The following RCAN2 variants were observed in gnomAD, a reference collection of about 807,000 sequenced individuals.
RCAN2 encodes the protein calcipressin-2.
In RCAN2, 9 loss-of-function variants were observed where a neutral mutation model predicts 23.6. That is an observed-to-expected ratio of 0.38 (90% CI 0.23 to 0.67). The LOEUF is 0.67. Among genes scored for constraint, RCAN2 ranks in the 30% least tolerant of loss-of-function variants. The pLI, the probability that RCAN2 is intolerant of heterozygous loss-of-function variation, is 0.51. For missense variants in RCAN2, 273 were observed against 302.3 expected, an observed-to-expected ratio of 0.90 and a Z score of 0.72; for synonymous variants, 109 against 115.7, an observed-to-expected ratio of 0.94 and a Z score of 0.37.
chr6:46,232,594 C>A (rs770180632), intron 4 of RCAN2, among the ~76,000 whole-genome samples: 1 of 151,924 alleles, frequency 6.6e-6, no homozygotes, highest in Non-Finnish European at 1.5e-5. Context: ...AAGTTCAAGA[C>A]CAGCCTGGTC....
intron 2 of RCAN2, among the ~76,000 whole-genome samples, chr6:46,407,815 C>T (rs1268602988): frequency 6.6e-6 from 1 of 152,180 alleles, no homozygotes; most frequent in Non-Finnish European, 1.5e-5. Context: ...TTTTGCTATG[C>T]AGCAGACCTT....
At chr6:46,240,984 A>G (rs542688089) in intron 4 of RCAN2, among the ~76,000 whole-genome samples, 40 of 152,322 alleles carry the variant, frequency 2.6e-4, no homozygotes, top group African/African-American at 9.4e-4. Context: ...AGAGCTAAAA[A>G]TAGCAGGAGG....
At chr6:46,427,760 C>T (rs57152666) in intron 2 of RCAN2, among the ~76,000 whole-genome samples, 5,218 of 152,282 alleles carry the variant, frequency 0.034, 175 homozygotes, top group South Asian at 0.12. Flanking sequence ...ACGAGAGAAA[C>T]CAACAGATAG....
intron 2 of RCAN2, among the ~76,000 whole-genome samples, chr6:46,335,279 T>C (rs911786897): frequency 7.9e-5 from 12 of 152,228 alleles, no homozygotes; most frequent in African/African-American, 2.9e-4. Flanking sequence ...GGAGTCCTCA[T>C]TTTCAGTCAC....
chr6:46,411,568 GTTC>G (rs1028868443), intron 2 of RCAN2, among the ~76,000 whole-genome samples: 4 of 152,128 alleles, frequency 2.6e-5, no homozygotes, highest in Admixed American at 6.5e-5. Flanking sequence ...TACAGACAAA[GTTC>G]TTCTGTCATG....
chr6:46,360,975 A>G (rs1290682018), intron 2 of RCAN2, among the ~76,000 whole-genome samples: 1 of 152,230 alleles, frequency 6.6e-6, no homozygotes, highest in Admixed American at 6.5e-5. Context: ...GTAAAACTTG[A>G]GTATTCAGAA....
chr6:46,290,217 A>C (rs1288591432), intron 2 of RCAN2, among the ~76,000 whole-genome samples: 3 of 152,212 alleles, frequency 2.0e-5, no homozygotes, highest in Non-Finnish European at 4.4e-5. Flanking sequence ...GCCCCAATAC[A>C]GGATTTTATC....
intron 2 of RCAN2, among the ~76,000 whole-genome samples, chr6:46,311,515 T>C (rs1294319990): frequency 6.6e-6 from 1 of 152,140 alleles, no homozygotes; most frequent in Non-Finnish European, 1.5e-5. Flanking sequence ...ACAGGGTAAG[T>C]GCATGGGATG....
chr6:46,395,278 T>C (rs1044293728), intron 2 of RCAN2, among the ~76,000 whole-genome samples: 1 of 151,974 alleles, frequency 6.6e-6, no homozygotes, highest in African/African-American at 2.4e-5. Flanking sequence ...GAGGGAAAGA[T>C]AAGATGCAAG....
intron 2 of RCAN2, among the ~76,000 whole-genome samples, chr6:46,360,082 G>A (rs955598857): frequency 6.6e-6 from 1 of 152,124 alleles, no homozygotes; most frequent in Non-Finnish European, 1.5e-5. Context: ...TTAATGTGAT[G>A]AGATCCCCCA....
chr6:46,488,481 C>T (rs1054733769), intron 1 of RCAN2, among the ~76,000 whole-genome samples: 1 of 152,208 alleles, frequency 6.6e-6, no homozygotes, highest in African/African-American at 2.4e-5. Flanking sequence ...CATACTACCA[C>T]TTTTGGGGAT....
At chr6:46,263,906 C>T (rs372054774) in intron 2 of RCAN2, among the ~76,000 whole-genome samples, 1 of 152,070 alleles carries the variant, frequency 6.6e-6, no homozygotes, top group East Asian at 1.9e-4. Flanking sequence ...TGGTATTAGT[C>T]AGCACTCACA....
intron 2 of RCAN2, among the ~76,000 whole-genome samples, chr6:46,345,747 C>T (rs1388700994): frequency 6.6e-6 from 1 of 152,052 alleles, no homozygotes; most frequent in Non-Finnish European, 1.5e-5. Flanking sequence ...AATGAAGAAA[C>T]AAATATAAAA....
At chr6:46,415,640 A>G (rs182411035) in intron 2 of RCAN2, among the ~76,000 whole-genome samples, 146 of 152,292 alleles carry the variant, frequency 9.6e-4, no homozygotes, top group Middle Eastern at 3.4e-3. Flanking sequence ...AAAGAAGACT[A>G]AAAAGGAGAG....
At chr6:46,294,978 G>A (rs1762675059) in intron 2 of RCAN2, among the ~76,000 whole-genome samples, 1 of 152,130 alleles carries the variant, frequency 6.6e-6, no homozygotes, top group South Asian at 2.1e-4. Flanking sequence ...AAGGGCAGCT[G>A]CAGTAATCAA....
At chr6:46,242,335 A>G (rs1766337033) in intron 4 of RCAN2, among the ~76,000 whole-genome samples, 1 of 152,126 alleles carries the variant, frequency 6.6e-6, no homozygotes, top group Non-Finnish European at 1.5e-5. Context: ...CTGGATCCCC[A>G]CTGTTTCATT....
chr6:46,375,066 C>T (rs916603890), intron 2 of RCAN2, among the ~76,000 whole-genome samples: 43 of 152,008 alleles, frequency 2.8e-4, no homozygotes, highest in Admixed American at 9.8e-4. Context: ...GCCCAGTAGC[C>T]GGCATTACAG....
chr6:46,469,640 C>T (rs965949348), intron 1 of RCAN2, among the ~76,000 whole-genome samples: 1 of 152,150 alleles, frequency 6.6e-6, no homozygotes, highest in Non-Finnish European at 1.5e-5. Flanking sequence ...ATGCTAGAAA[C>T]GAAGTGGGAA....
intron 2 of RCAN2, among the ~76,000 whole-genome samples, chr6:46,270,423 C>T (rs116449766): frequency 0.013 from 1,973 of 152,286 alleles, 46 homozygotes; most frequent in African/African-American, 0.042. Flanking sequence ...GGGTTCCCCT[C>T]GGCTCTTCGA....
Sources: gnomAD v4.1 joint callset for allele counts (sites outside exome capture counted in the v4.1 genomes callset) on GRCh38, gnomAD v4.1.1 for gene constraint, MANE v1.5 for transcripts, NCBI Gene and HGNC (gene_info 2026-07-23, HGNC 2026-07-21) for gene names.